DMD: variants seen among roughly 807,000 people sequenced by gnomAD.
The protein encoded by DMD is mutant dystrophin.
A neutral mutation model predicts 330.1 loss-of-function variants in DMD; 63 were observed. The ratio of observed to expected loss-of-function variants is 0.19; its 90% CI spans 0.16 to 0.24. The LOEUF is 0.24. Among genes scored for constraint, DMD ranks in the 10% least tolerant of loss-of-function variants. The probability of loss-of-function intolerance (pLI) is 1.00; values close to 1 mark genes in which losing one functional copy is unlikely to be tolerated. For missense variants in DMD, 3,344 were observed against 2,684.1 expected, an observed-to-expected ratio of 1.25 and a Z score of -5.43; for synonymous variants, 1,223 against 959.8, an observed-to-expected ratio of 1.27 and a Z score of -5.07.
intron 71 of DMD, 105 bp from the exon 72 acceptor site, chrX:31,173,709 A>C: frequency 1.6e-6 from 1 of 617,676 alleles, no homozygotes; most frequent in Non-Finnish European, 2.6e-6. Context: ...TTTTATTCTA[A>C]TTCTATGGAT....
intron 30 of DMD, among the ~76,000 whole-genome samples, chrX:32,409,987 T>C (rs1210765588): frequency 9.0e-6 from 1 of 111,699 alleles, no homozygotes; most frequent in Admixed American, 9.6e-5. Flanking sequence ...TAAATATGTA[T>C]AAATATTTTA....
intron 34 of DMD, among the ~76,000 whole-genome samples, chrX:32,377,823 T>C (rs2097910042): frequency 9.0e-6 from 1 of 111,131 alleles, no homozygotes; most frequent in Non-Finnish European, 1.9e-5. Context: ...ATACACCCAG[T>C]ATGTATCCAT....
intron 23 of DMD, 152 bp downstream of exon 23, chrX:32,468,346 T>A: frequency 4.1e-6 from 2 of 482,458 alleles, no homozygotes; most frequent in Non-Finnish European, 7.1e-6. Context: ...CAAATCGCCA[T>A]CCTTTGTAAA....
At chrX:32,626,834 AAAAAG>A (rs1441192457) in intron 11 of DMD, among the ~76,000 whole-genome samples, 4 of 105,117 alleles carry the variant, frequency 3.8e-5, no homozygotes, top group African/African-American at 1.6e-4. Context: ...GAGGGAGAGA[AAAAAG>A]AAAAGAAATC....
intron 7 of DMD, among the ~76,000 whole-genome samples, chrX:32,724,129 C>T (rs2066620715): frequency 8.9e-6 from 1 of 112,115 alleles, no homozygotes; most frequent in Admixed American, 9.5e-5. Context: ...TGGTGCAATT[C>T]TACTTCTTGA....
intron 1 of DMD, among the ~76,000 whole-genome samples, chrX:33,187,374 T>C (rs1329065624): frequency 1.8e-5 from 2 of 112,744 alleles, no homozygotes; most frequent in African/African-American, 6.4e-5. Flanking sequence ...ATAAATGATC[T>C]TAAGTGATAG....
chrX:31,438,099 C>T (rs988403256), intron 60 of DMD, among the ~76,000 whole-genome samples: 3 of 110,129 alleles, frequency 2.7e-5, no homozygotes, highest in Non-Finnish European at 5.7e-5. Flanking sequence ...TCATCCTCCA[C>T]GTTTCCCTTT....
At chrX:32,332,466 A>T (rs1479919559) in intron 41 of DMD, among the ~76,000 whole-genome samples, 1 of 100,816 alleles carries the variant, frequency 9.9e-6, no homozygotes, top group Non-Finnish European at 2.0e-5. Flanking sequence ...CACATGAGAA[A>T]GATTCATTGA....
chrX:33,166,184 G>C (rs1328243482), intron 1 of DMD, among the ~76,000 whole-genome samples: 2 of 111,035 alleles, frequency 1.8e-5, no homozygotes, highest in African/African-American at 6.5e-5. Flanking sequence ...GATTGATATA[G>C]TTTGAATAGT....
chrX:32,451,548 T>C (rs897254566), intron 26 of DMD, among the ~76,000 whole-genome samples: 6 of 110,585 alleles, frequency 5.4e-5, no homozygotes, highest in African/African-American at 2.0e-4. Context: ...TTCTTTTATG[T>C]CAAAAAAACT....
At chrX:33,180,235 A>G (rs2049919035) in intron 1 of DMD, among the ~76,000 whole-genome samples, 1 of 112,247 alleles carries the variant, frequency 8.9e-6, no homozygotes, top group Non-Finnish European at 1.9e-5. Flanking sequence ...TGGGATCATC[A>G]TATTTATCAC....
chrX:32,791,613 C>T (rs1184155854), intron 7 of DMD, among the ~76,000 whole-genome samples: 1 of 111,756 alleles, frequency 8.9e-6, no homozygotes, highest in Non-Finnish European at 1.9e-5. Flanking sequence ...GGCAAAGACT[C>T]AAGAGGAGAC....
chrX:32,640,159 T>G (rs943357364), intron 11 of DMD, among the ~76,000 whole-genome samples: 7 of 109,485 alleles, frequency 6.4e-5, no homozygotes, highest in African/African-American at 2.0e-4. Flanking sequence ...ATATAAAAAG[T>G]GACATGGTAT....
At chrX:32,340,770 G>A (rs2097737576) in intron 41 of DMD, among the ~76,000 whole-genome samples, 1 of 111,768 alleles carries the variant, frequency 8.9e-6, no homozygotes, top group Non-Finnish European at 1.9e-5. Flanking sequence ...CAGGCTTGCT[G>A]GTTAGTGTAA....
intron 9 of DMD, among the ~76,000 whole-genome samples, chrX:32,657,871 A>C (rs992803397): frequency 2.3e-4 from 26 of 111,634 alleles, no homozygotes; most frequent in African/African-American, 8.5e-4. Flanking sequence ...TATTTATTTT[A>C]ATCAGTCATT....
intron 2 of DMD, among the ~76,000 whole-genome samples, chrX:32,853,769 G>GAAAAAAAAAAAAAAAAAAA (rs1162458210): frequency 2.7e-4 from 15 of 56,067 alleles, no homozygotes; most frequent in Admixed American, 4.7e-4. Flanking sequence ...CACAGTGACA[G>GAAAAAAAAAAAAAAAAAAA]AAAAAAAAAA....
chrX:31,798,713 G>C (rs1402757981), intron 50 of DMD, among the ~76,000 whole-genome samples: 1 of 111,254 alleles, frequency 9.0e-6, no homozygotes. Flanking sequence ...AATTTATATT[G>C]TGATATAGAA....
At chrX:32,617,576 AAACTT>A (rs1159671213) in intron 11 of DMD, among the ~76,000 whole-genome samples, 2 of 111,319 alleles carry the variant, frequency 1.8e-5, no homozygotes, top group African/African-American at 6.5e-5. Context: ...AATGGATTAA[AAACTT>A]AAATTTAAGA....
chrX:33,045,686 C>G (rs892631112), intron 1 of DMD, among the ~76,000 whole-genome samples: 5 of 110,913 alleles, frequency 4.5e-5, no homozygotes, highest in Non-Finnish European at 7.6e-5. Context: ...ACACACACAC[C>G]TTTTCAAATA....
Sources: allele counts gnomAD v4.1 joint callset (sites outside exome capture counted in the v4.1 genomes callset), GRCh38; gene constraint gnomAD v4.1.1; transcripts MANE v1.5; gene names NCBI Gene and HGNC (gene_info 2026-07-23, HGNC 2026-07-21).